The following NDRG4 variants were observed in gnomAD, a reference collection of about 807,000 sequenced individuals.
NDRG4 encodes the protein protein NDRG4.
In NDRG4, 38 loss-of-function variants were observed where a neutral mutation model predicts 55.8. The observed-to-expected ratio is 0.68, with a 90% confidence interval of 0.53 to 0.89. NDRG4 has a LOEUF of 0.89. NDRG4 is among the 40% of genes least tolerant of loss of function. The pLI is 0.00. For synonymous variants in NDRG4, 190 were observed against 182.7 expected (o/e 1.04, Z -0.32); for missense variants, 455 against 468.6 (o/e 0.97, Z 0.27).
intron 2 of NDRG4, among the ~76,000 whole-genome samples, chr16:58,491,090 A>G (rs1321482181): frequency 6.6e-6 from 1 of 152,104 alleles, no homozygotes; most frequent in Non-Finnish European, 1.5e-5. Flanking sequence ...CAGCCTGACC[A>G]ACATGGTGAA....
Position 58,507,831 on chromosome 16 carries a change from G to C in NDRG4, c.644G>C (p.Arg215Pro), listed in dbSNP as rs150978842. 6.2e-7 allele frequency: 1 copy of C among 1,613,944 alleles called. No individual in the cohort carries two copies. Among genetic ancestry groups the C allele is most frequent in the Admixed American group, 1.7e-5 (1 of 60,026 alleles). Residue 215 changes from arginine to proline, a missense_variant, in exon 9 of 15, where the codon CGG (arginine) becomes CCG (proline). By Grantham distance (103) the Arg-to-Pro change is moderately radical. Coordinates refer to ENST00000570248, the MANE Select transcript of NDRG4 (RefSeq NM_001242835.2). ...YNSRRDLDIN[R>P]PGTVPNAKTL... ...AGCCGCAGAGACCTGGACATTAACC[G>C]GCCTGGAACGGTGCCCAATGCCAAG...
chr16:58,486,700 TACACACACAC>T (rs56119933), intron 1 of NDRG4, among the ~76,000 whole-genome samples: 38,937 of 127,932 alleles, frequency 0.3, 6,177 homozygotes, highest in South Asian at 0.47. Context: ...CACTGGCTCC[TACACACACAC>T]ACACACACAC....
At chr16:58,486,700 TAC>T (rs56119933) in intron 1 of NDRG4, among the ~76,000 whole-genome samples, 13,452 of 127,786 alleles carry the variant, frequency 0.11, 847 homozygotes, top group East Asian at 0.17. Flanking sequence ...CACTGGCTCC[TAC>T]ACACACACAC....
In NDRG4 at chr16:58,464,707, C is replaced by T; in HGVS notation, c.-24+910C>T. 1 of 1,223,694 alleles carries T rather than the reference C, an allele frequency of 8.2e-7. No individual in the cohort carries two copies. The highest frequency in any genetic ancestry group is 1.0e-6 in the Non-Finnish European group (1 of 966,170). The allele number at this position is 1,223,694 out of a possible 1,614,324, so 75.8% of individuals were successfully genotyped here. ...GGGAGCACCGGTCAGGGGGTGGCCC[C>T]ATGGGGTCTCTGACCAGCGGAGCTC... On this transcript the variant is annotated intron_variant, in intron 1 of 15. Transcript: ENST00000258187. This position sits in a 1 kb window ranked among gnomAD's most constrained non-coding sequence, Gnocchi z 4.8.
At chr16:58,482,808 T>G (rs1376082228) in intron 1 of NDRG4, among the ~76,000 whole-genome samples, 1 of 150,208 alleles carries the variant, frequency 6.7e-6, no homozygotes, top group Non-Finnish European at 1.5e-5. Context: ...CTTTCTCTCT[T>G]TCTTTCTTTT....
chr16:58,509,558 C>T (rs2038509957), intron 13 of NDRG4, among the ~76,000 whole-genome samples: 1 of 152,152 alleles, frequency 6.6e-6, no homozygotes, highest in South Asian at 2.1e-4. Context: ...CCAGGCTGTG[C>T]CCAACTCCCC....
chr16:58,510,272 C>T (rs1281465048), intron 13 of NDRG4, among the ~76,000 whole-genome samples: 1 of 152,238 alleles, frequency 6.6e-6, no homozygotes, highest in East Asian at 1.9e-4. Flanking sequence ...AGAACATTGT[C>T]AGGCGCTGAG....
At chr16:58,501,179 T>A in intron 1 of NDRG4, 1 of 729,524 alleles carries the variant, frequency 1.4e-6, no homozygotes, top group Non-Finnish European at 1.9e-6. Context: ...AGACGATAGG[T>A]CACCCCGCAC....
chr16:58,498,968 C>T (rs906299038), upstream of NDRG4, among the ~76,000 whole-genome samples: 52 of 152,086 alleles, frequency 3.4e-4, no homozygotes, highest in Non-Finnish European at 1.3e-4. Flanking sequence ...GCAGTTGCAA[C>T]GATAATACAT....
At chr16:58,485,052 T>G (rs2034932993) in intron 1 of NDRG4, among the ~76,000 whole-genome samples, 1 of 151,914 alleles carries the variant, frequency 6.6e-6, no homozygotes, top group South Asian at 2.1e-4. Context: ...CAGCTAATTT[T>G]TTTGTATTTT....
chr16:58,500,257 G>A lies in NDRG4; in HGVS notation c.9G>A (p.Glu3=). 6.5e-7 allele frequency: 1 copy of A among 1,536,060 alleles called. No individual in the cohort carries two copies. The highest frequency in any genetic ancestry group is 8.7e-7 in the Non-Finnish European group (1 of 1,146,890). MP[E]CWDGEHDIET... is the part of the protein sequence containing the mutation. ...TTCCCTCCCTCGGCAAGATGCCGGA[G>A]TGCTGGGATGGGGTGAGTGAGGGCG... is the stretch of plus-strand genomic sequence containing the variant. Residue 3 remains glutamate (E), a synonymous_variant, in exon 1 of 15, where the codon GAG becomes GAA. Transcript: ENST00000570248.
At chr16:58,477,199 T>C (rs2033788069) in intron 1 of NDRG4, among the ~76,000 whole-genome samples, 1 of 151,960 alleles carries the variant, frequency 6.6e-6, no homozygotes, top group South Asian at 2.1e-4. Flanking sequence ...TGTTAGTGTC[T>C]TGCATACATT....
At chr16:58,486,914 C>T (rs933952169) in intron 1 of NDRG4, among the ~76,000 whole-genome samples, 2 of 152,160 alleles carry the variant, frequency 1.3e-5, no homozygotes, top group South Asian at 4.2e-4. Flanking sequence ...CAACATCACT[C>T]GGCCTGCCAC....
chr16:58,504,302 T>A, intron 3 of NDRG4, 28 bp downstream of exon 3: 1 of 1,613,978 alleles, frequency 6.2e-7, no homozygotes, highest in Non-Finnish European at 8.5e-7. Flanking sequence ...CCTCTGCCTG[T>A]CTCCAGCTCT....
intron 2 of NDRG4, among the ~76,000 whole-genome samples, chr16:58,489,316 C>T (rs948428835): frequency 2.0e-5 from 3 of 151,950 alleles, no homozygotes; most frequent in African/African-American, 7.3e-5. Context: ...CATGTCACTT[C>T]TCTGCTTAAC....
chr16:58,471,503 G>A (rs2032818610), intron 1 of NDRG4, among the ~76,000 whole-genome samples: 1 of 152,010 alleles, frequency 6.6e-6, no homozygotes, highest in Non-Finnish European at 1.5e-5. Context: ...CCATGACACT[G>A]TTATATAAAC....
intron 8 of NDRG4, 81 bp from the exon 9 acceptor site, chr16:58,507,727 T>C (rs2038227136): frequency 5.9e-6 from 8 of 1,359,600 alleles, no homozygotes; most frequent in East Asian, 2.3e-5. Flanking sequence ...GCTTTACCAA[T>C]TGGCAGTGTT....
chr16:58,478,400 AAAG>A (rs1239736642), intron 1 of NDRG4, among the ~76,000 whole-genome samples: 7 of 102,058 alleles, frequency 6.9e-5, no homozygotes, highest in Non-Finnish European at 1.3e-4. Context: ...AAAAAAAAAA[AAAG>A]TGTCAAGGTT....
At position 58,493,734 on chromosome 16, in the gene NDRG4, G is replaced by A. The variant is rs575652977; in HGVS notation, c.73-1230G>A. ...GGAGTTCACAGCCTCGCAGAGCGGG[G>A]CAGAGAGGTTTCTAGGCAGACGCAG... On this transcript the variant is annotated intron_variant, in intron 2 of 15. Transcript: ENST00000258187. Among the ~76,000 whole-genome samples the A allele has an allele frequency of 2.1e-4, 32 of 152,370 alleles. No individual in the cohort carries two copies. In the East Asian group the frequency reaches 5.2e-3, roughly 25 times the overall value.
Sources: gnomAD v4.1 joint callset for allele counts (sites outside exome capture counted in the v4.1 genomes callset) on GRCh38, gnomAD v4.1.1 for gene constraint, Gnocchi (gnomAD v3.1) non-coding constraint, MANE v1.5 for transcripts, NCBI Gene and HGNC (gene_info 2026-07-23, HGNC 2026-07-21) for gene names.